Variants in ARFGEF3 observed in about 807,000 individuals in gnomAD.
ARFGEF3 encodes brefeldin A-inhibited guanine nucleotide-exchange protein 3.
ARFGEF3 carries 96 observed loss-of-function variants against 221.7 expected under a neutral mutation model. The observed-to-expected ratio is 0.43, with a 90% CI of 0.37 to 0.51. The LOEUF is 0.51. ARFGEF3 is among the 20% of genes least tolerant of loss of function. ARFGEF3 has a pLI of 0.00. For synonymous variants in ARFGEF3, 1,145 were observed against 1,126.8 expected, an observed-to-expected ratio of 1.02 and a Z score of -0.32; for missense variants, 2,410 against 2,789.9, an observed-to-expected ratio of 0.86 and a Z score of 3.07.
rs1779986689 is a variant in ARFGEF3 at position 138,319,578 on chromosome 6, A to G, written c.4475-125A>G. On this transcript the variant is annotated intron_variant, in intron 27 of 33. Transcript: ENST00000251691. ...CCATATATTCCCCCATCAGCAGTAAATTATTTTTCCCTGCACTTTCTCAGC... is the reference window on the plus strand; with the variant it reads ...CCATATATTCCCCCATCAGCAGTAAGTTATTTTTCCCTGCACTTTCTCAGC... 1.0e-5 allele frequency: 7 copies of G among 685,726 alleles called. No homozygotes were observed. In the South Asian group the frequency reaches 1.6e-4, roughly 15 times the overall value. The allele number at this position is 685,726 out of a possible 1,614,324, so 42.5% of individuals were successfully genotyped here.
chr6:138,249,028 C>T (rs576962045), intron 8 of ARFGEF3, among the ~76,000 whole-genome samples: 2 of 152,122 alleles, frequency 1.3e-5, no homozygotes, highest in African/African-American at 2.4e-5. Flanking sequence ...CCCAGGAACC[C>T]CCATCAGCTC....
At chr6:138,330,413 A>G (rs943665145) in intron 32 of ARFGEF3, among the ~76,000 whole-genome samples, 3 of 152,150 alleles carry the variant, frequency 2.0e-5, no homozygotes, top group Non-Finnish European at 4.4e-5. Context: ...TAGGAATCCA[A>G]TTTCTGTTGT....
At chr6:138,209,504 C>T (rs1181280489) in intron 3 of ARFGEF3, among the ~76,000 whole-genome samples, 1 of 152,168 alleles carries the variant, frequency 6.6e-6, no homozygotes, top group Non-Finnish European at 1.5e-5. Context: ...GGCTGGAGTG[C>T]AGTGGTGTGA....
At chr6:138,320,532 C>T (rs1469526910) in intron 28 of ARFGEF3, among the ~76,000 whole-genome samples, 1 of 152,100 alleles carries the variant, frequency 6.6e-6, no homozygotes, top group African/African-American at 2.4e-5. Flanking sequence ...TGCTGCTACC[C>T]ACAGAGCTTA....
At chr6:138,322,860 A>AT (rs1036442383) in intron 29 of ARFGEF3, among the ~76,000 whole-genome samples, 2 of 151,818 alleles carry the variant, frequency 1.3e-5, no homozygotes, top group African/African-American at 4.8e-5. Context: ...ACTGGAGGTT[A>AT]TTATGCTAAG....
chr6:138,307,461 T>TAA, intron 23 of ARFGEF3, 64 bp downstream of exon 23: 523 of 1,244,132 alleles, frequency 4.2e-4, no homozygotes, highest in South Asian at 7.5e-4. Context: ...TTCATGCTAT[T>TAA]AAAAAAAAAA....
rs1426661334 is a variant in ARFGEF3, at chr6:138,215,146, T to C, written c.351+5105T>C. Among the ~76,000 whole-genome samples the C allele has an allele frequency of 7.2e-5, 11 of 152,244 alleles. No homozygotes were observed. The South Asian group carries it at 1.0e-3, about 14-fold the overall frequency. ...AGGAGCCATGTACGGATCTAATGACTTCTCTGACGAGAGTAGTTAGGACTT... is the reference window on the plus strand; with the variant it reads ...AGGAGCCATGTACGGATCTAATGACCTCTCTGACGAGAGTAGTTAGGACTT... On this transcript the variant is annotated intron_variant, in intron 4 of 33. Transcript: ENST00000251691.
intron 2 of ARFGEF3, among the ~76,000 whole-genome samples, chr6:138,204,363 AAG>A (rs1317343658): frequency 4.9e-4 from 73 of 147,516 alleles, no homozygotes; most frequent in African/African-American, 1.8e-3. Flanking sequence ...AAAAAAAAAA[AAG>A]ATTTGATTTG....
At chr6:138,206,786 C>T (rs1000613346) in intron 2 of ARFGEF3, among the ~76,000 whole-genome samples, 12 of 152,084 alleles carry the variant, frequency 7.9e-5, no homozygotes, top group African/African-American at 1.9e-4. Context: ...AATGAGTGTA[C>T]CAGGTAATAA....
chr6:138,172,767 C>A (rs189439951), intron 2 of ARFGEF3, among the ~76,000 whole-genome samples: 254 of 152,248 alleles, frequency 1.7e-3, no homozygotes, highest in Non-Finnish European at 1.8e-3. Flanking sequence ...AATACTTCTT[C>A]ATAGGCATAT....
intron 33 of ARFGEF3, among the ~76,000 whole-genome samples, 157 bp from the exon 34 acceptor site, chr6:138,336,138 G>A (rs892637850): frequency 5.9e-5 from 9 of 152,050 alleles, no homozygotes; most frequent in Non-Finnish European, 1.2e-4. Context: ...AAATTAATAC[G>A]CCTACAATTT....
At chr6:138,180,868 C>G (rs574798605) in intron 2 of ARFGEF3, among the ~76,000 whole-genome samples, 3 of 152,320 alleles carry the variant, frequency 2.0e-5, no homozygotes, top group Non-Finnish European at 4.4e-5. Context: ...CATGGACTAG[C>G]GTTTAGCAGT....
At chr6:138,249,369 G>T (rs555494496) in intron 8 of ARFGEF3, among the ~76,000 whole-genome samples, 32 of 152,216 alleles carry the variant, frequency 2.1e-4, no homozygotes, top group African/African-American at 7.5e-4. Flanking sequence ...TCACTCTGTC[G>T]CCCAGGCTGG....
chr6:138,169,242 G>A (rs751596712), intron 1 of ARFGEF3, among the ~76,000 whole-genome samples: 4 of 152,178 alleles, frequency 2.6e-5, no homozygotes, highest in Non-Finnish European at 5.9e-5. Flanking sequence ...TGTCCTGGGT[G>A]CTTACAGCAA....
At chr6:138,263,701 C>A in intron 12 of ARFGEF3, 90 bp downstream of exon 12, 2 of 1,207,424 alleles carry the variant, frequency 1.7e-6, no homozygotes, top group Non-Finnish European at 2.3e-6. Flanking sequence ...TATAGTTTGA[C>A]GTGCTCAAAG....
rs762683784 is a variant in ARFGEF3 at position 138,162,393 on chromosome 6, G to A, written c.85+222G>A. Among the ~76,000 whole-genome samples the A allele has an allele frequency of 2.0e-4, 30 of 152,332 alleles. No individual in the cohort carries two copies. The highest frequency in any genetic ancestry group is 1.5e-4 in the Non-Finnish European group (10 of 68,034). On this transcript the variant is annotated intron_variant, in intron 1 of 33. Coordinates refer to ENST00000251691, the MANE Select transcript of ARFGEF3 (RefSeq NM_020340.5). The surrounding 1 kb of genome is among the most constrained non-coding windows in gnomAD (Gnocchi z 4.7). ...TCTTTCACTCTCCGAAACCTTCCTC[G>A]GGAACCGCTGTCCTCCCTGCCTGGC...
At chr6:138,194,373 C>T (rs1305336088) in intron 2 of ARFGEF3, among the ~76,000 whole-genome samples, 1 of 152,098 alleles carries the variant, frequency 6.6e-6, no homozygotes, top group Non-Finnish European at 1.5e-5. Context: ...CTGCTGTTTG[C>T]ATTTGCCACT....
At chr6:138,310,741 TCA>T (rs977052110) in intron 24 of ARFGEF3, among the ~76,000 whole-genome samples, 10 of 152,102 alleles carry the variant, frequency 6.6e-5, no homozygotes, top group African/African-American at 1.9e-4. Context: ...TTATAATAAT[TCA>T]GTTACACTCT....
chr6:138,189,635 G>A (rs1287445939), intron 2 of ARFGEF3, among the ~76,000 whole-genome samples: 7 of 152,054 alleles, frequency 4.6e-5, no homozygotes, highest in African/African-American at 1.2e-4. Flanking sequence ...ACATTTTAAG[G>A]CCATTAAAAT....
Sources: gnomAD v4.1 joint callset for allele counts (sites outside exome capture counted in the v4.1 genomes callset) on GRCh38, gnomAD v4.1.1 for gene constraint, Gnocchi (gnomAD v3.1) non-coding constraint, MANE v1.5 for transcripts, NCBI Gene and HGNC (gene_info 2026-07-23, HGNC 2026-07-21) for gene names.